TP63: variants seen among roughly 807,000 people sequenced by gnomAD.
TP63 encodes the protein tumor protein p63.
TP63 carries 17 observed loss-of-function variants against 82.8 expected under a neutral mutation model. The ratio of observed to expected loss-of-function variants is 0.21; its 90% confidence interval spans 0.14 to 0.31. The LOEUF (loss-of-function observed/expected upper bound fraction) is 0.31, where lower values mean the gene tolerates loss of function less well. TP63 is among the 10% of genes least tolerant of loss of function. The pLI is 1.00. For missense variants in TP63, 648 were observed against 895.3 expected, an observed-to-expected ratio of 0.72 and a Z score of 3.52; for synonymous variants, 330 against 321.7, an observed-to-expected ratio of 1.03 and a Z score of -0.28.
intron 3 of TP63, among the ~76,000 whole-genome samples, chr3:189,805,873 C>T (rs1255836570): frequency 6.6e-6 from 1 of 152,084 alleles, no homozygotes; most frequent in Admixed American, 6.6e-5. Flanking sequence ...AGGCCAAAAA[C>T]CCTGGCTCAA....
chr3:189,830,725 C>T (rs1405223232), intron 4 of TP63, among the ~76,000 whole-genome samples: 1 of 151,854 alleles, frequency 6.6e-6, no homozygotes, highest in East Asian at 1.9e-4. Flanking sequence ...AAATAAAGGC[C>T]CATAATTATC....
intron 5 of TP63, 98 bp downstream of exon 5, chr3:189,864,516 G>T (rs1717449151): frequency 3.0e-6 from 3 of 990,348 alleles, no homozygotes; most frequent in Admixed American, 3.1e-5. Flanking sequence ...TCAGACTTCT[G>T]CACTCCGATG....
intron 3 of TP63, among the ~76,000 whole-genome samples, chr3:189,786,315 C>T (rs1724596474): frequency 6.6e-6 from 1 of 151,882 alleles, no homozygotes; most frequent in Non-Finnish European, 1.5e-5. Context: ...AAAGGCCTTT[C>T]ACGCTGTGTC....
At chr3:189,821,519 A>G (rs1357996620) in intron 4 of TP63, among the ~76,000 whole-genome samples, 1 of 152,212 alleles carries the variant, frequency 6.6e-6, no homozygotes, top group African/African-American at 2.4e-5. Flanking sequence ...ACAACAAGGG[A>G]AAGAATTAGA....
intron 2 of TP63, 123 bp downstream of exon 2, chr3:189,737,991 AT>A: frequency 8.8e-7 from 1 of 1,136,814 alleles, no homozygotes; most frequent in African/African-American, 1.5e-5. Context: ...GGAAAAGTTA[AT>A]GACTCCAATG....
chr3:189,644,514 G>C (rs1353635959), intron 1 of TP63, among the ~76,000 whole-genome samples: 1 of 152,124 alleles, frequency 6.6e-6, no homozygotes, highest in Non-Finnish European at 1.5e-5. Context: ...TACTAAATGA[G>C]AATCTGCATT....
chr3:189,875,616 A>ACATATATATATATATATATACACG (rs1283186870), intron 10 of TP63, among the ~76,000 whole-genome samples: 1 of 108,726 alleles, frequency 9.2e-6, no homozygotes, highest in African/African-American at 4.5e-5. Context: ...ATATATATAT[A>ACATATATATATATATATATACACG]TATATATATA....
At chr3:189,816,530 A>G (rs1289878151) in intron 4 of TP63, among the ~76,000 whole-genome samples, 1 of 152,182 alleles carries the variant, frequency 6.6e-6, no homozygotes, top group Non-Finnish European at 1.5e-5. Flanking sequence ...GAGTAAAACC[A>G]TATAACTATA....
At position 189,745,210 on chromosome 3, in the gene TP63, G is replaced by A. The variant is rs151297938; in HGVS notation, c.324+6436G>A. On this transcript the variant is annotated intron_variant, in intron 3 of 13. Transcript: ENST00000264731. ...ATCAATATAAAGACACAGGAAGCATGAAAAAGCAGGAAAATATGACACCAT... is the reference window on the plus strand; with the variant it reads ...ATCAATATAAAGACACAGGAAGCATAAAAAAGCAGGAAAATATGACACCAT... Among the ~76,000 whole-genome samples the A allele has an allele frequency of 1.8e-3, 274 of 152,204 alleles. 1 individual carries two copies. The highest frequency in any genetic ancestry group is 3.4e-3 in the Middle Eastern group (1 of 294).
At chr3:189,674,640 A>G (rs1389085032) in intron 1 of TP63, among the ~76,000 whole-genome samples, 1 of 152,130 alleles carries the variant, frequency 6.6e-6, no homozygotes, top group East Asian at 1.9e-4. Flanking sequence ...TGAAGGCATT[A>G]ACTCCCCTAA....
At chr3:189,628,758 T>A (rs796596603), upstream of TP63, among the ~76,000 whole-genome samples, 19 of 152,286 alleles carry the variant, frequency 1.2e-4, no homozygotes, top group African/African-American at 4.6e-4. Context: ...AGAATAAGGA[T>A]GAACTATAAA....
Position 189,890,843 on chromosome 3 carries a change from G to T in TP63, c.1707G>T (p.Gly569=). Residue 569 remains glycine, a synonymous_variant, in exon 13 of 14, where the codon GGG becomes GGT. Coordinates refer to ENST00000264731, the MANE Select transcript of TP63 (RefSeq NM_003722.5). ...GTCTGGACTATTTCACGACCCAGGG[G>T]CTGACCACCATCTATCAGATTGAGC... ...SSCLDYFTTQ[G]LTTIYQIEHY... is the part of the protein sequence containing the mutation. 6.2e-7 allele frequency: 1 copy of T among 1,614,042 alleles called. No individual in the cohort carries two copies. Among genetic ancestry groups the T allele is most frequent in the Non-Finnish European group, 8.5e-7 (1 of 1,179,980 alleles).
At chr3:189,846,124 T>C (rs1045377706) in intron 4 of TP63, among the ~76,000 whole-genome samples, 2 of 152,032 alleles carry the variant, frequency 1.3e-5, no homozygotes, top group African/African-American at 4.8e-5. Flanking sequence ...GGAATTCTTT[T>C]TTTTTCCCCC....
chr3:189,785,720 G>A (rs550583075), intron 3 of TP63, among the ~76,000 whole-genome samples: 202 of 152,042 alleles, frequency 1.3e-3, no homozygotes, highest in African/African-American at 4.1e-3. Context: ...AGATTTTAAA[G>A]GGCCTTGAAT....
At chr3:189,674,446 G>A (rs537870828) in intron 1 of TP63, among the ~76,000 whole-genome samples, 4 of 152,208 alleles carry the variant, frequency 2.6e-5, no homozygotes, top group African/African-American at 9.6e-5. Flanking sequence ...AGAAAGGGGA[G>A]CAAACAAAGT....
intron 3 of TP63, among the ~76,000 whole-genome samples, chr3:189,766,841 C>T (rs980075108): frequency 6.6e-6 from 1 of 152,182 alleles, no homozygotes; most frequent in Non-Finnish European, 1.5e-5. Context: ...AGTTGCTTTT[C>T]TCCTTTTAAA....
upstream of TP63, among the ~76,000 whole-genome samples, chr3:189,628,180 G>A (rs1243134061): frequency 6.6e-6 from 1 of 152,126 alleles, no homozygotes. Context: ...TAGGACAGTA[G>A]AAGTGGGGAA....
At chr3:189,872,809 A>C in intron 9 of TP63, 50 bp from the exon 10 acceptor site, 1 of 1,613,444 alleles carries the variant, frequency 6.2e-7, no homozygotes, top group East Asian at 2.2e-5. Context: ...CACTTCTAAC[A>C]GTTCTACAGC....
intron 9 of TP63, 26 bp downstream of exon 9, chr3:189,869,432 T>C (rs777508122): frequency 8.1e-5 from 130 of 1,598,268 alleles, no homozygotes; most frequent in South Asian, 2.0e-4. Flanking sequence ...GTGTTCATGG[T>C]TGCTTCATTT....
Sources: gnomAD v4.1 joint callset for allele counts (sites outside exome capture counted in the v4.1 genomes callset) on GRCh38, gnomAD v4.1.1 for gene constraint, MANE v1.5 for transcripts, NCBI Gene and HGNC (gene_info 2026-07-23, HGNC 2026-07-21) for gene names.